The following FBXO3 variants were observed in gnomAD, a reference collection of about 807,000 sequenced individuals.
The protein encoded by FBXO3 is F-box only protein 3.
A neutral mutation model predicts 64.8 loss-of-function variants in FBXO3; 17 were observed. The ratio of observed to expected loss-of-function variants is 0.26; its 90% CI spans 0.18 to 0.39. The LOEUF (loss-of-function observed/expected upper bound fraction) is 0.39. FBXO3 is among the 10% of genes least tolerant of loss of function. FBXO3 has a pLI of 1.00. For synonymous variants in FBXO3, 182 were observed against 201.6 expected (o/e 0.90, Z 0.82); for missense variants, 420 against 589.9 (o/e 0.71, Z 2.98).
chr11:33,744,005 G>A (rs1197826079), intron 10 of FBXO3: 1 of 152,188 alleles, frequency 6.6e-6, no homozygotes, highest in African/African-American at 2.4e-5. Context: ...ATGAATTAAT[G>A]TAGGAGAAAG....
rs1186211835 is a variant in FBXO3 at position 33,742,031 on chromosome 11, C to T, written c.1293G>A (p.Glu431=). The change falls in exon 11 of 11, where the codon GAG becomes GAA. Residue 431 remains glutamate, a synonymous_variant. Coordinates refer to ENST00000265651, the MANE Select transcript of FBXO3 (RefSeq NM_012175.4). Reference sequence around the variant, plus strand: ...CTGAATCATCATCCTCGTCTTCCTCCTCTTCCTCCTCCTCCTCTTCTTCCA... The same window carrying T: ...CTGAATCATCATCCTCGTCTTCCTCTTCTTCCTCCTCCTCCTCTTCTTCCA... ...EEMEEEEEEE[E]EEDEDDDSAD... 1.2e-6 allele frequency: 2 copies of T among 1,607,008 alleles called. No individual in the cohort carries two copies. Among genetic ancestry groups the T allele is most frequent in the Non-Finnish European group, 1.7e-6 (2 of 1,174,548 alleles).
chr11:33,751,766 T>C (rs758052991), intron 6 of FBXO3, among the ~76,000 whole-genome samples, 159 bp from the exon 7 acceptor site: 11 of 152,270 alleles, frequency 7.2e-5, no homozygotes, highest in Non-Finnish European at 1.2e-4. Context: ...TCAATTTCTA[T>C]TCTCAATTCT....
chr11:33,763,246 C>T (rs1321183716), intron 3 of FBXO3: 13 of 445,032 alleles, frequency 2.9e-5, no homozygotes, highest in East Asian at 7.0e-5. Flanking sequence ...CAACACTTCT[C>T]GACTCGTTTT....
intron 10 of FBXO3, 78 bp downstream of exon 10, chr11:33,747,052 T>G: frequency 6.4e-7 from 1 of 1,568,016 alleles, no homozygotes; most frequent in Non-Finnish European, 8.6e-7. Flanking sequence ...ATTTATAAAC[T>G]AACTATTTGC....
At chr11:33,742,965 T>C (rs978294248) in intron 10 of FBXO3, 4 of 152,162 alleles carry the variant, frequency 2.6e-5, no homozygotes, top group African/African-American at 9.7e-5. Context: ...CATTCACATG[T>C]CTGGTACCCG....
intron 6 of FBXO3, among the ~76,000 whole-genome samples, chr11:33,752,812 A>C (rs888628481): frequency 2.6e-5 from 4 of 152,184 alleles, no homozygotes; most frequent in Non-Finnish European, 5.9e-5. Context: ...AAAATCATAT[A>C]TATGTATATT....
chr11:33,754,530 A>G, intron 5 of FBXO3, 30 bp from the exon 6 acceptor site: 1 of 1,542,678 alleles, frequency 6.5e-7, no homozygotes, highest in Non-Finnish European at 8.7e-7. Context: ...CAATCGATAA[A>G]AACACATTTT....
At position 33,742,103 on chromosome 11, in the gene FBXO3, C is replaced by A. The variant is rs1206727644; in HGVS notation, c.1240-19G>T. The A allele has an allele frequency of 5.3e-6, 8 of 1,522,920 alleles. No individual in the cohort carries two copies. Among genetic ancestry groups the A allele is most frequent in the East Asian group, 4.8e-5 (2 of 41,760 alleles). 94.3% of individuals were successfully genotyped at this position (1,522,920 alleles called of 1,614,324 possible). A position where few individuals can be genotyped will look rare whatever the true frequency, so the allele number is the denominator to read the frequency against. On this transcript the variant is annotated intron_variant, in intron 10 of 10. Coordinates refer to ENST00000265651, the MANE Select transcript of FBXO3 (RefSeq NM_012175.4). ...CCATTTCCTTGAAAGAGAAAACAAT[C>A]TTTTGATAAGAAGAGCATCTATCAG...
intron 3 of FBXO3, among the ~76,000 whole-genome samples, chr11:33,766,332 G>T (rs1855371329): frequency 6.6e-6 from 1 of 152,248 alleles, no homozygotes; most frequent in East Asian, 1.9e-4. Flanking sequence ...ATCAGGATGG[G>T]CATATTATAG....
intron 10 of FBXO3, chr11:33,745,941 A>C (rs567842561): frequency 5.3e-5 from 8 of 152,326 alleles, no homozygotes; most frequent in Admixed American, 4.6e-4. Flanking sequence ...AGGACAAGTG[A>C]CTATGGCTTT....
chr11:33,746,663 C>A, intron 10 of FBXO3: 1 of 1,091,500 alleles, frequency 9.2e-7, no homozygotes. Flanking sequence ...ACCCTAAAAA[C>A]GAGATTTTAA....
intron 6 of FBXO3, among the ~76,000 whole-genome samples, chr11:33,751,872 T>G (rs1053150384): frequency 2.0e-5 from 3 of 152,262 alleles, no homozygotes; most frequent in Non-Finnish European, 4.4e-5. Flanking sequence ...TTTACACTTA[T>G]AATTAATCAA....
At position 33,741,924 on chromosome 11, in the gene FBXO3, C is replaced by G; in HGVS notation, c.1400G>C (p.Cys467Ser). The change falls in exon 11 of 11, where the codon TGC (cysteine) becomes TCC (serine). Residue 467 changes from cysteine (C) to serine (S), a missense_variant. Physicochemically the swap from Cys to Ser is moderately radical, Grantham distance 112. This residue lies in a region of FBXO3 where 57 missense variants were observed against 55.4 expected (regional missense o/e 1.03). Coordinates refer to ENST00000265651, the MANE Select transcript of FBXO3 (RefSeq NM_012175.4). ...GAAGGCTTGCTAAAAAAGGCGTGAGCAGCGGCGTCTGCGAATGGGAACATC... is the reference window on the plus strand; with the variant it reads ...GAAGGCTTGCTAAAAAAGGCGTGAGGAGCGGCGTCTGCGAATGGGAACATC... ...VFDVPIRRRR[C>S]SRLF is the part of the protein sequence containing the mutation. The G allele has an allele frequency of 2.5e-6, 4 of 1,612,248 alleles. No homozygotes were observed. Among genetic ancestry groups the G allele is most frequent in the Non-Finnish European group, 3.4e-6 (4 of 1,179,050 alleles).
chr11:33,747,323 G>A lies in FBXO3; in HGVS notation c.1049-3C>T, dbSNP rs749438310. ...TGGGCTGATGATTGGAAATTCACCT[G>A]CAGGGAAAACAGTAACAATAAACCA... On this transcript the variant is annotated splice_polypyrimidine_tract_variant and splice_region_variant and intron_variant, in intron 9 of 10. Transcript: ENST00000265651. The A allele has an allele frequency of 2.5e-6, 4 of 1,606,132 alleles. No individual in the cohort carries two copies. The South Asian group carries it at 3.3e-5, about 13-fold the overall frequency.
intron 3 of FBXO3, among the ~76,000 whole-genome samples, chr11:33,763,943 A>G (rs1254602801): frequency 6.6e-6 from 1 of 152,238 alleles, no homozygotes; most frequent in Non-Finnish European, 1.5e-5. Context: ...GTAAGAATGT[A>G]AATTGGTAGA....
intron 5 of FBXO3, 113 bp from the exon 6 acceptor site, chr11:33,754,613 G>C (rs1349687993): frequency 1.2e-6 from 1 of 820,436 alleles, no homozygotes; most frequent in Non-Finnish European, 1.9e-6. Flanking sequence ...ATAAAGTTGA[G>C]ATAAGAAGAT....
chr11:33,762,087 T>A (rs1229360308), intron 3 of FBXO3, among the ~76,000 whole-genome samples: 3 of 152,150 alleles, frequency 2.0e-5, no homozygotes, highest in Non-Finnish European at 4.4e-5. Context: ...TGGAAGAAAA[T>A]CAGTTATTTT....
At position 33,742,135 on chromosome 11, in the gene FBXO3, A is replaced by G. The variant is rs1182644282; in HGVS notation, c.1240-51T>C. 4.2e-6 allele frequency: 6 copies of G among 1,439,152 alleles called. No individual in the cohort carries two copies. In the African/African-American group the frequency reaches 8.6e-5, roughly 21 times the overall value. 89.1% of individuals were successfully genotyped at this position (1,439,152 alleles called of 1,614,324 possible). ...TAAGAAGAGCATCTATCAGTTTTTT[A>G]GTTATTTCATGTAAATTCTCATTTA... On this transcript the variant is annotated intron_variant, in intron 10 of 10. Transcript: ENST00000265651.
At chr11:33,747,411 C>T in intron 9 of FBXO3, 91 bp from the exon 10 acceptor site, 1 of 1,013,180 alleles carries the variant, frequency 9.9e-7, no homozygotes, top group Non-Finnish European at 1.5e-6. Context: ...ATTATGTAAA[C>T]TATATAATAG....
Sources: allele counts gnomAD v4.1 joint callset (sites outside exome capture counted in the v4.1 genomes callset), GRCh38; gene constraint gnomAD v4.1.1; regional missense constraint gnomAD v4.1.1; transcripts MANE v1.5; gene names NCBI Gene and HGNC (gene_info 2026-07-23, HGNC 2026-07-21).